The following CLASP1 variants were observed in gnomAD, a reference collection of about 807,000 sequenced individuals.
CLASP1 encodes cytoplasmic linker associated protein 1, also known as CLIP-associating protein 1.
CLASP1 carries 38 observed loss-of-function variants against 192.3 expected under a neutral mutation model. The observed-to-expected ratio is 0.20, with a 90% CI of 0.15 to 0.26. The LOEUF is 0.26. Among genes scored for constraint, CLASP1 ranks in the 10% least tolerant of loss-of-function variants. The probability of loss-of-function intolerance (pLI) is 1.00; values close to 1 mark genes in which losing one functional copy is unlikely to be tolerated. For missense variants in CLASP1, 1,433 were observed against 1,932.5 expected, an observed-to-expected ratio of 0.74 and a Z score of 4.85; for synonymous variants, 691 against 712.8, an observed-to-expected ratio of 0.97 and a Z score of 0.49.
At chr2:121,376,749 C>T (rs1208843383) in intron 34 of CLASP1, among the ~76,000 whole-genome samples, 2 of 152,210 alleles carry the variant, frequency 1.3e-5, no homozygotes, top group East Asian at 3.9e-4. Flanking sequence ...GCTCACATTA[C>T]TGCCTGAGCT....
chr2:121,469,343 T>C (rs1317545843), intron 9 of CLASP1, among the ~76,000 whole-genome samples: 2 of 152,028 alleles, frequency 1.3e-5, no homozygotes, highest in African/African-American at 4.8e-5. Context: ...GCATGCGGAG[T>C]ATACACACAT....
chr2:121,490,906 T>C (rs568087754), intron 8 of CLASP1, among the ~76,000 whole-genome samples: 3 of 152,208 alleles, frequency 2.0e-5, no homozygotes, highest in Non-Finnish European at 4.4e-5. Flanking sequence ...AATTGGCACC[T>C]GATCCACTTA....
At chr2:121,478,764 A>AC (rs1559366796) in intron 8 of CLASP1, among the ~76,000 whole-genome samples, 22 of 63,514 alleles carry the variant, frequency 3.5e-4, no homozygotes, top group African/African-American at 1.7e-3. Flanking sequence ...CACACACACC[A>AC]CACACCCCAC....
At chr2:121,479,230 T>C (rs1171347973) in intron 8 of CLASP1, among the ~76,000 whole-genome samples, 2 of 149,086 alleles carry the variant, frequency 1.3e-5, no homozygotes, top group East Asian at 1.9e-4. Flanking sequence ...GCAGACTGGA[T>C]TGGAAGAACT....
chr2:121,559,794 A>G (rs1364609691), intron 2 of CLASP1, among the ~76,000 whole-genome samples: 1 of 152,178 alleles, frequency 6.6e-6, no homozygotes, highest in East Asian at 1.9e-4. Context: ...CTCTGAATAT[A>G]CAAAAAAACC....
At chr2:121,341,947 T>C (rs2062828195) in intron 39 of CLASP1, among the ~76,000 whole-genome samples, 2 of 152,094 alleles carry the variant, frequency 1.3e-5, no homozygotes, top group Non-Finnish European at 1.5e-5. Flanking sequence ...TAAGTTTAAA[T>C]AGATTTAAAA....
chr2:121,582,278 A>G (rs2061265938), intron 2 of CLASP1, among the ~76,000 whole-genome samples: 1 of 148,914 alleles, frequency 6.7e-6, no homozygotes, highest in Non-Finnish European at 1.5e-5. Flanking sequence ...CAGGAAAGGG[A>G]GAGAGAGAGA....
intron 2 of CLASP1, among the ~76,000 whole-genome samples, chr2:121,560,117 C>A (rs2058945297): frequency 6.6e-6 from 1 of 151,788 alleles, no homozygotes; most frequent in African/African-American, 2.4e-5. Flanking sequence ...TACATGGGAA[C>A]TCTTAAATCA....
At chr2:121,574,095 CGAG>C (rs2060232400) in intron 2 of CLASP1, among the ~76,000 whole-genome samples, 1 of 152,046 alleles carries the variant, frequency 6.6e-6, no homozygotes, top group Non-Finnish European at 1.5e-5. Flanking sequence ...ACTGATGGCC[CGAG>C]GCGGGCAGAT....
At chr2:121,578,660 G>A (rs1162802200) in intron 2 of CLASP1, among the ~76,000 whole-genome samples, 1 of 151,262 alleles carries the variant, frequency 6.6e-6, no homozygotes, top group Non-Finnish European at 1.5e-5. Context: ...CCAGGGAGGC[G>A]GAGGTTGCAG....
In CLASP1 at chr2:121,531,051, A is replaced by G. The variant is rs537498090; in HGVS notation, c.196-726T>C. ...AGACTTATCAGTTCAAACAGCAGTA[A>G]TTCGTAAATAAACTAGTACTTTGTG... is the stretch of plus-strand genomic sequence containing the variant. On this transcript the variant is annotated intron_variant, in intron 2 of 39. Coordinates refer to ENST00000263710, the Ensembl canonical transcript of CLASP1. The G allele has an allele frequency of 2.6e-5, 18 of 697,634 alleles. No individual in the cohort carries two copies. In the Admixed American group the frequency reaches 2.6e-4, roughly 10 times the overall value. The allele number at this position is 697,634 out of a possible 1,614,324, so 43.2% of individuals were successfully genotyped here. A position where few individuals can be genotyped will look rare whatever the true frequency, so the allele number is the denominator to read the frequency against.
rs1357404729 is a variant in CLASP1, at chr2:121,425,361, A to C, written c.2045-55T>G. 3.4e-6 allele frequency: 5 copies of C among 1,484,306 alleles called. No individual in the cohort carries two copies. In the Admixed American group the frequency reaches 1.1e-4, roughly 34 times the overall value. 91.9% of individuals were successfully genotyped at this position (1,484,306 alleles called of 1,614,324 possible). Reference sequence around the variant, plus strand: ...ATAGATGTAAATGTAGGAATGAACTATAATACTTTCAAAAGCCAGATTTTA... The same window carrying C: ...ATAGATGTAAATGTAGGAATGAACTCTAATACTTTCAAAAGCCAGATTTTA... On this transcript the variant is annotated intron_variant, in intron 21 of 39. Transcript: ENST00000263710.
chr2:121,507,426 CAG>C (rs2093975809), intron 7 of CLASP1, among the ~76,000 whole-genome samples: 3 of 152,226 alleles, frequency 2.0e-5, no homozygotes, highest in African/African-American at 7.2e-5. Flanking sequence ...AAACAATGAA[CAG>C]AGTCTAAGAG....
intron 28 of CLASP1, among the ~76,000 whole-genome samples, chr2:121,401,133 T>C (rs866629942): frequency 6.6e-6 from 1 of 152,236 alleles, no homozygotes; most frequent in African/African-American, 2.4e-5. Context: ...CATACACCGA[T>C]AGAAAAATTT....
chr2:121,478,648 C>CA (rs1559365042), intron 8 of CLASP1, among the ~76,000 whole-genome samples: 4 of 98,570 alleles, frequency 4.1e-5, no homozygotes, highest in East Asian at 5.7e-4. Context: ...CACACACCCC[C>CA]CACACACACA....
intron 23 of CLASP1, among the ~76,000 whole-genome samples, chr2:121,417,551 C>T (rs1057081413): frequency 6.6e-6 from 1 of 152,118 alleles, no homozygotes; most frequent in Non-Finnish European, 1.5e-5. Context: ...AGGTAAGGTG[C>T]CCCACTCAAG....
chr2:121,574,588 T>C (rs1053445357), intron 2 of CLASP1, among the ~76,000 whole-genome samples: 4 of 146,998 alleles, frequency 2.7e-5, no homozygotes, highest in African/African-American at 7.7e-5. Context: ...TGAGCCAAGA[T>C]TGTGCCACTG....
intron 19 of CLASP1, among the ~76,000 whole-genome samples, chr2:121,440,874 G>A (rs1489069817): frequency 2.7e-5 from 4 of 150,638 alleles, no homozygotes; most frequent in Admixed American, 2.6e-4. Context: ...TGGAGGGAAG[G>A]ATGAATAAGA....
chr2:121,531,104 G>C, intron 2 of CLASP1: 1 of 646,724 alleles, frequency 1.5e-6, no homozygotes, highest in Non-Finnish European at 2.9e-6. Context: ...TGCACAAGAC[G>C]CGTGGTTTTA....
Sources: gnomAD v4.1 joint callset for allele counts (sites outside exome capture counted in the v4.1 genomes callset) on GRCh38, gnomAD v4.1.1 for gene constraint, MANE v1.5 for transcripts, NCBI Gene and HGNC (gene_info 2026-07-23, HGNC 2026-07-21) for gene names.